Variants in DCLK3 observed in about 807,000 individuals in gnomAD.
The protein encoded by DCLK3 is doublecortin like kinase 3.
Under a neutral mutation model 46.4 loss-of-function variants are expected in DCLK3, and 30 were observed. That is an observed-to-expected ratio of 0.65 (90% CI 0.48 to 0.88). The LOEUF (loss-of-function observed/expected upper bound fraction) is 0.88, where lower values mean the gene tolerates loss of function less well. Ranked by LOEUF, DCLK3 falls within the 40% of genes least tolerant of loss-of-function variation. The pLI is 0.00. For missense variants in DCLK3, 846 were observed against 907.1 expected, an observed-to-expected ratio of 0.93 and a Z score of 0.87; for synonymous variants, 401 against 339.2, an observed-to-expected ratio of 1.18 and a Z score of -2.00.
chr3:36,754,889 T>G (rs2125537970), intron 1 of DCLK3, among the ~76,000 whole-genome samples: 2 of 152,196 alleles, frequency 1.3e-5, no homozygotes, highest in South Asian at 4.2e-4. Flanking sequence ...TTATATGTTT[T>G]TACTTCCAAA....
Position 36,715,286 on chromosome 3 carries a change from C to T in DCLK3, c.*42G>A, listed in dbSNP as rs1700960713. The T allele has an allele frequency of 6.2e-7, 1 of 1,604,820 alleles. No homozygotes were observed. On this transcript the variant is annotated 3_prime_UTR_variant, in exon 5 of 5. Transcript: ENST00000636136. ...TCAAACTTCTATCCTTTTCTCTGTC[C>T]TTGAGCAGAACTGGGGGCTGGACAG... is the stretch of plus-strand genomic sequence containing the variant.
intron 1 of DCLK3, among the ~76,000 whole-genome samples, chr3:36,763,923 A>G (rs1386063486): frequency 6.6e-6 from 1 of 152,216 alleles, no homozygotes; most frequent in African/African-American, 2.4e-5. Flanking sequence ...AAATAAAATC[A>G]GCTCCGGAGA....
At chr3:36,717,562 C>T (rs1056314340) in intron 4 of DCLK3, among the ~76,000 whole-genome samples, 1 of 152,178 alleles carries the variant, frequency 6.6e-6, no homozygotes, top group African/African-American at 2.4e-5. Context: ...ACCATGCATG[C>T]TCCAAGTCAC....
chr3:36,756,895 T>G (rs1483284361), intron 1 of DCLK3, among the ~76,000 whole-genome samples: 1 of 151,360 alleles, frequency 6.6e-6, no homozygotes, highest in African/African-American at 2.4e-5. Context: ...AAGTTCCAGA[T>G]AGACTCAGAG....
intron 2 of DCLK3, among the ~76,000 whole-genome samples, 199 bp from the exon 3 acceptor site, chr3:36,721,858 G>A (rs1020995436): frequency 6.6e-6 from 1 of 152,178 alleles, no homozygotes; most frequent in Non-Finnish European, 1.5e-5. Flanking sequence ...CAATGAGTTA[G>A]ATTTACTAGG....
At chr3:36,717,790 G>C (rs1450423408) in intron 4 of DCLK3, among the ~76,000 whole-genome samples, 1 of 152,156 alleles carries the variant, frequency 6.6e-6, no homozygotes, top group Non-Finnish European at 1.5e-5. Flanking sequence ...AAAAGTACTT[G>C]GTGACTGTAA....
chr3:36,735,440 C>G (rs1701249175), intron 2 of DCLK3, among the ~76,000 whole-genome samples: 2 of 152,196 alleles, frequency 1.3e-5, no homozygotes, highest in South Asian at 4.1e-4. Flanking sequence ...GACAAAAACA[C>G]AAAAACAAGG....
In DCLK3 at chr3:36,737,996, C is replaced by T. The variant is rs1701289796; in HGVS notation, c.1171G>A (p.Asp391Asn). ...TCTGGGCCTCTGTCCTCTTTCTTGT[C>T]CATGCTCTTGCTGGGTCTCCTCAGC... Reference protein sequence around the residue: ...QELRRPSKSMDKKEDRGPEDQ... With the variant: ...QELRRPSKSMNKKEDRGPEDQ... The change falls in exon 2 of 5, where the codon GAC (aspartate) becomes AAC (asparagine). Residue 391 changes from aspartate to asparagine, a missense_variant. Physicochemically the swap from Asp to Asn is conservative, Grantham distance 23. Transcript: ENST00000636136. This position sits in a 1 kb window ranked among gnomAD's most constrained non-coding sequence, Gnocchi z 4.4. 6.2e-7 allele frequency: 1 copy of T among 1,614,190 alleles called. No individual in the cohort carries two copies.
Position 36,738,819 on chromosome 3 carries a change from C to T in DCLK3, c.348G>A (p.Arg116=), listed in dbSNP as rs1347647301. Residue 116 remains arginine, a synonymous_variant, in exon 2 of 5, where the codon AGG becomes AGA. Transcript: ENST00000636136. ...GCTGCTCGAACGTCTGCACTGATCGCCTGTTGAGGAGCAGAGTGATCTTTC... is the reference window on the plus strand; with the variant it reads ...GCTGCTCGAACGTCTGCACTGATCGTCTGTTGAGGAGCAGAGTGATCTTTC... ...RPRKITLLLN[R]RSVQTFEQLL... 5.5e-6 allele frequency: 5 copies of T among 902,652 alleles called. No individual in the cohort carries two copies. The African/African-American group carries it at 6.8e-5, about 12-fold the overall frequency. 55.9% of individuals were successfully genotyped at this position (902,652 alleles called of 1,614,324 possible). A position where few individuals can be genotyped will look rare whatever the true frequency, so the allele number is the denominator to read the frequency against.
intron 1 of DCLK3, among the ~76,000 whole-genome samples, chr3:36,762,701 G>C (rs1164053637): frequency 6.6e-6 from 1 of 152,154 alleles, no homozygotes; most frequent in African/African-American, 2.4e-5. Flanking sequence ...CCAACAAAGA[G>C]ATGGAGGGAC....
intron 2 of DCLK3, among the ~76,000 whole-genome samples, chr3:36,725,905 C>T (rs900134539): frequency 2.0e-5 from 3 of 152,154 alleles, no homozygotes; most frequent in Admixed American, 6.5e-5. Flanking sequence ...TCAAACAAGT[C>T]CAAGTGACTG....
chr3:36,717,022 G>A (rs2125519440), intron 4 of DCLK3, among the ~76,000 whole-genome samples: 1 of 152,328 alleles, frequency 6.6e-6, no homozygotes, highest in Non-Finnish European at 1.5e-5. Flanking sequence ...TCCCAGTGAG[G>A]AAATAGAGGC....
rs974113998 is a variant in DCLK3 at position 36,738,756 on chromosome 3, T to A, written c.411A>T (p.Arg137Ser). ...GTTTCCTCACACGGTCATTCTTCCA[T>A]CTGGGAGAGCCCAAGGCTTCTGAGA... ...ADISEALGSP[R>S]WKNDRVRKLF... is the part of the protein sequence containing the mutation. The change falls in exon 2 of 5, where the codon AGA becomes AGT. Residue 137 changes from arginine (R) to serine (S), a missense_variant. This residue lies in a region of DCLK3 where 553 missense variants were observed against 543.0 expected (regional missense o/e 1.02). Transcript: ENST00000636136. 1.2e-5 allele frequency: 16 copies of A among 1,288,570 alleles called. No individual in the cohort carries two copies. The Admixed American group carries it at 4.9e-4, about 39-fold the overall frequency. 79.8% of individuals were successfully genotyped at this position (1,288,570 alleles called of 1,614,324 possible).
intron 2 of DCLK3, among the ~76,000 whole-genome samples, chr3:36,723,039 G>A (rs1701081330): frequency 2.0e-5 from 3 of 152,184 alleles, no homozygotes; most frequent in Admixed American, 2.0e-4. Context: ...TTGTTGAATG[G>A]CTTTGCCCAA....
chr3:36,737,859 C>T lies in DCLK3; in HGVS notation c.1308G>A (p.Met436Ile), dbSNP rs900493710. Reference protein sequence around the residue: ...LREVKKDTRPMSRSKHGGWLL... With the variant: ...LREVKKDTRPISRSKHGGWLL... ...GCCAGCCACCATGTTTGCTCCTGCT[C>T]ATGGGCCTGGTGTCCTTCTTCACCT... Residue 436 changes from methionine to isoleucine, a missense_variant, in exon 2 of 5, where the codon ATG becomes ATA. Transcript: ENST00000636136. The surrounding 1 kb of genome is among the most constrained non-coding windows in gnomAD (Gnocchi z 4.4). 8 of 1,613,978 alleles carry T rather than the reference C, an allele frequency of 5.0e-6. No homozygotes were observed. In the East Asian group the frequency reaches 1.1e-4, roughly 22 times the overall value.
rs576261120 is a variant in DCLK3, at chr3:36,713,107, T to C, written c.*2221A>G. On this transcript the variant is annotated 3_prime_UTR_variant, in exon 5 of 5. Transcript: ENST00000636136. ...CTAGTAGTTGGTAAGGTCAGTCTTC[T>C]CATTTTAGCCATTTAATTTTAGCTA... 84 of 152,360 alleles carry C rather than the reference T, an allele frequency of 5.5e-4. No individual in the cohort carries two copies. Among genetic ancestry groups the C allele is most frequent in the African/African-American group, 1.9e-3 (80 of 41,594 alleles). The allele number at this position is 152,360 out of a possible 1,614,324, so 9.4% of individuals were successfully genotyped here. A position where few individuals can be genotyped will look rare whatever the true frequency, so the allele number is the denominator to read the frequency against.
chr3:36,741,800 T>C (rs866948058), intron 1 of DCLK3, among the ~76,000 whole-genome samples: 15 of 152,270 alleles, frequency 9.9e-5, no homozygotes, highest in African/African-American at 3.6e-4. Context: ...TATTGTATCA[T>C]GGGATGATAT....
chr3:36,744,936 C>T (rs1301344731), intron 1 of DCLK3, among the ~76,000 whole-genome samples: 3 of 152,192 alleles, frequency 2.0e-5, no homozygotes, highest in Non-Finnish European at 4.4e-5. Flanking sequence ...GTAACTGCAC[C>T]GGCATGGCAT....
At chr3:36,740,004 A>T (rs776735329) in intron 1 of DCLK3, 1 of 151,620 alleles carries the variant, frequency 6.6e-6, no homozygotes, top group Non-Finnish European at 1.5e-5. Flanking sequence ...CTTTGAACTC[A>T]CTCAAGGTGG....
Sources: gnomAD v4.1 joint callset for allele counts (sites outside exome capture counted in the v4.1 genomes callset) on GRCh38, gnomAD v4.1.1 for gene constraint, gnomAD v4.1.1 regional missense constraint, Gnocchi (gnomAD v3.1) non-coding constraint, MANE v1.5 for transcripts, NCBI Gene and HGNC (gene_info 2026-07-23, HGNC 2026-07-21) for gene names.